Variants in PAPPA2 observed in about 807,000 individuals in gnomAD.
PAPPA2 encodes the protein pappalysin 2.
Under a neutral mutation model 176.4 loss-of-function variants are expected in PAPPA2, and 86 were observed. The ratio of observed to expected loss-of-function variants is 0.49; its 90% CI spans 0.41 to 0.58. PAPPA2 has a LOEUF of 0.58. Ranked by LOEUF, PAPPA2 falls within the 20% of genes least tolerant of loss-of-function variation. The pLI is 0.00. For missense variants in PAPPA2, 2,073 were observed against 2,256.9 expected (o/e 0.92, Z 1.65); for synonymous variants, 809 against 852.2 (o/e 0.95, Z 0.88).
At chr1:176,666,504 A>G (rs1658646889) in intron 3 of PAPPA2, among the ~76,000 whole-genome samples, 1 of 151,538 alleles carries the variant, frequency 6.6e-6, no homozygotes, top group South Asian at 2.1e-4. Flanking sequence ...TTCTCAGAAA[A>G]CCTCATCTTG....
At chr1:176,641,980 A>G (rs1286697180) in intron 3 of PAPPA2, among the ~76,000 whole-genome samples, 1 of 151,892 alleles carries the variant, frequency 6.6e-6, no homozygotes, top group African/African-American at 2.4e-5. Context: ...TGACTCCATA[A>G]TCCAGTTACT....
chr1:176,636,143 C>A lies in PAPPA2; in HGVS notation c.1992-34827C>A, dbSNP rs544913516. On this transcript the variant is annotated intron_variant, in intron 3 of 22. Coordinates refer to ENST00000367662, the MANE Select transcript of PAPPA2 (RefSeq NM_020318.3). The stretch of plus-strand genomic sequence containing the variant: ...TGCTGTTGAGAACGTGAAAGGGACA[C>A]CATCAATAAACACAATAGTATAGTG... Among the ~76,000 whole-genome samples, 5 of 152,204 alleles carry A rather than the reference C, an allele frequency of 3.3e-5. No homozygotes were observed. The East Asian group carries it at 5.8e-4, about 18-fold the overall frequency.
At chr1:176,512,880 T>C (rs1480976670) in intron 1 of PAPPA2, among the ~76,000 whole-genome samples, 1 of 152,162 alleles carries the variant, frequency 6.6e-6, no homozygotes, top group Admixed American at 6.6e-5. Flanking sequence ...CAACAACAGG[T>C]CATAACACAA....
intron 3 of PAPPA2, among the ~76,000 whole-genome samples, chr1:176,647,412 CT>C (rs1026253024): frequency 6.6e-6 from 1 of 151,522 alleles, no homozygotes; most frequent in African/African-American, 2.4e-5. Context: ...AGCTTTTTCA[CT>C]TGATATGATC....
At chr1:176,739,008 T>C (rs1430407453) in intron 12 of PAPPA2, among the ~76,000 whole-genome samples, 2 of 152,148 alleles carry the variant, frequency 1.3e-5, no homozygotes, top group African/African-American at 4.8e-5. Flanking sequence ...GGACTGGGTA[T>C]ACATGCTTGA....
At chr1:176,549,694 T>C (rs1650831163) in intron 1 of PAPPA2, among the ~76,000 whole-genome samples, 1 of 152,162 alleles carries the variant, frequency 6.6e-6, no homozygotes, top group Non-Finnish European at 1.5e-5. Flanking sequence ...AGATGGCCAG[T>C]GGAGAGTTCA....
At chr1:176,801,677 GAGA>G (rs1665690785) in intron 21 of PAPPA2, among the ~76,000 whole-genome samples, 1 of 152,030 alleles carries the variant, frequency 6.6e-6, no homozygotes, top group African/African-American at 2.4e-5. Context: ...GGGAAGGAGG[GAGA>G]TAAACAGACA....
Position 176,718,708 on chromosome 1 carries a change from T to A in PAPPA2, c.3798+6727T>A, listed in dbSNP as rs55986952. Reference sequence around the variant, plus strand: ...GTGGATTTGGGGTAACTTTTTTTTTTAAAAAAAAAAAACATAGCTAGAGTC... The same window carrying A: ...GTGGATTTGGGGTAACTTTTTTTTTAAAAAAAAAAAAACATAGCTAGAGTC... On this transcript the variant is annotated intron_variant, in intron 12 of 22. Transcript: ENST00000367662. Among the ~76,000 whole-genome samples the A allele has an allele frequency of 6.1e-3, 890 of 145,732 alleles. 8 individuals carry two copies. The highest frequency in any genetic ancestry group is 0.043 in the South Asian group (196 of 4,580).
intron 3 of PAPPA2, among the ~76,000 whole-genome samples, chr1:176,597,557 A>AT (rs1328938422): frequency 6.6e-6 from 1 of 152,148 alleles, no homozygotes; most frequent in Non-Finnish European, 1.5e-5. Flanking sequence ...TAGGGGAAGG[A>AT]TAGCATTAGG....
intron 21 of PAPPA2, among the ~76,000 whole-genome samples, chr1:176,819,056 T>C (rs565134347): frequency 7.9e-5 from 12 of 152,336 alleles, no homozygotes; most frequent in African/African-American, 2.9e-4. Flanking sequence ...CAGATTGTAT[T>C]CACTGTTATA....
intron 21 of PAPPA2, among the ~76,000 whole-genome samples, chr1:176,806,293 A>T (rs1201625835): frequency 6.6e-6 from 1 of 152,182 alleles, no homozygotes; most frequent in Non-Finnish European, 1.5e-5. Context: ...CCTGAGTGGC[A>T]GGAAGTGTGT....
chr1:176,802,793 C>T (rs1173300362), intron 21 of PAPPA2, among the ~76,000 whole-genome samples: 1 of 152,174 alleles, frequency 6.6e-6, no homozygotes, highest in Non-Finnish European at 1.5e-5. Flanking sequence ...CATGTTACTT[C>T]AGCACTTTTG....
At chr1:176,660,098 C>T (rs1383859518) in intron 3 of PAPPA2, among the ~76,000 whole-genome samples, 2 of 152,130 alleles carry the variant, frequency 1.3e-5, no homozygotes, top group Non-Finnish European at 2.9e-5. Context: ...TAGTCTACCT[C>T]TTCTGGGCAA....
At chr1:176,651,055 T>C (rs1657692936) in intron 3 of PAPPA2, among the ~76,000 whole-genome samples, 1 of 151,778 alleles carries the variant, frequency 6.6e-6, no homozygotes, top group South Asian at 2.1e-4. Flanking sequence ...AATTCACAAA[T>C]TTTATATTGC....
At chr1:176,510,503 ATCTGAACTACAAGAAATGT>A (rs1397759294) in intron 1 of PAPPA2, among the ~76,000 whole-genome samples, 24 of 152,142 alleles carry the variant, frequency 1.6e-4, no homozygotes, top group Non-Finnish European at 3.4e-4. Context: ...TATTTATGAG[ATCTGAACTACAAGAAATGT>A]TATAAGACAT....
intron 14 of PAPPA2, among the ~76,000 whole-genome samples, chr1:176,752,342 T>TAAAAAAAAAAAAAAAAAAAAAAAAAAAA (rs58591760): frequency 1.0e-5 from 1 of 96,488 alleles, no homozygotes. Flanking sequence ...TAGAGTATAA[T>TAAAAAAAAAAAAAAAAAAAAAAAAAAAA]AAAAAAAAAA....
intron 21 of PAPPA2, among the ~76,000 whole-genome samples, chr1:176,804,172 T>C (rs72718613): frequency 0.12 from 18,642 of 152,244 alleles, 1,508 homozygotes; most frequent in Middle Eastern, 0.23. Context: ...ATAAATCTTA[T>C]CTATTTCATT....
At chr1:176,820,145 CA>C (rs967127817) in intron 21 of PAPPA2, among the ~76,000 whole-genome samples, 17 of 150,762 alleles carry the variant, frequency 1.1e-4, no homozygotes, top group East Asian at 3.9e-4. Flanking sequence ...CAAAACAAAA[CA>C]AAAAAAAACA....
At chr1:176,531,423 C>A (rs1370261540) in intron 1 of PAPPA2, among the ~76,000 whole-genome samples, 1 of 152,146 alleles carries the variant, frequency 6.6e-6, no homozygotes, top group Non-Finnish European at 1.5e-5. Context: ...ATAAAGATGG[C>A]CATAATCCTG....
Sources: allele counts gnomAD v4.1 joint callset (sites outside exome capture counted in the v4.1 genomes callset), GRCh38; gene constraint gnomAD v4.1.1; transcripts MANE v1.5; gene names NCBI Gene and HGNC (gene_info 2026-07-23, HGNC 2026-07-21).